CDH26: variants seen among roughly 807,000 people sequenced by gnomAD.
CDH26 encodes cadherin-like protein 26.
A neutral mutation model predicts 90.3 loss-of-function variants in CDH26; 83 were observed. The observed-to-expected ratio is 0.92, with a 90% CI of 0.77 to 1.10. The LOEUF (loss-of-function observed/expected upper bound fraction) is 1.10, where lower values mean the gene tolerates loss of function less well. Ranked by LOEUF, CDH26 falls within the 50% of genes least tolerant of loss-of-function variation. The pLI, the probability that CDH26 is intolerant of heterozygous loss-of-function variation, is 0.00. For synonymous variants in CDH26, 397 were observed against 396.3 expected (o/e 1.00, Z -0.02); for missense variants, 1,013 against 1,037.6 (o/e 0.98, Z 0.33).
chr20:59,995,737 C>A, intron 11 of CDH26, 96 bp from the exon 12 acceptor site: 2 of 1,126,216 alleles, frequency 1.8e-6, no homozygotes, highest in Admixed American at 1.9e-5. Flanking sequence ...TACTTTCATA[C>A]AGAGCTTGGC....
At chr20:60,027,853 C>T (rs778946442) in intron 7 of CDH26, among the ~76,000 whole-genome samples, 3 of 152,012 alleles carry the variant, frequency 2.0e-5, no homozygotes, top group South Asian at 2.1e-4. Flanking sequence ...TGTGGGTGAC[C>T]TGCTACCTTT....
chr20:59,968,580 CAAAAG>C (rs2061209144), intron 1 of CDH26, among the ~76,000 whole-genome samples: 1 of 151,746 alleles, frequency 6.6e-6, no homozygotes, highest in Non-Finnish European at 1.5e-5. Context: ...GCAAAAAAAA[CAAAAG>C]AAAAGCCCAC....
chr20:60,015,023 C>T (rs2061893405), downstream of CDH26, among the ~76,000 whole-genome samples: 2 of 152,156 alleles, frequency 1.3e-5, no homozygotes, highest in Admixed American at 1.3e-4. Context: ...CACTTTATTG[C>T]CCAGGCTGGA....
rs766025132 is a variant in CDH26 at position 59,994,435 on chromosome 20, T to C, written c.1612T>C (p.Leu538=). The C allele has an allele frequency of 2.5e-6, 4 of 1,614,120 alleles. No individual in the cohort carries two copies. The highest frequency in any genetic ancestry group is 3.4e-6 in the Non-Finnish European group (4 of 1,180,028). The change falls in exon 11 of 18, where the codon TTG becomes CTG. Residue 538 remains leucine (L), a synonymous_variant. Transcript: ENST00000348616. ...EPFSDPFTFE[L]DNTWGNAEDT... ...GTTCTCTGACCCATTTACATTTGAA[T>C]TGGACAATACCTGGGGAAATGCGGA... is the stretch of plus-strand genomic sequence containing the variant.
chr20:60,007,885 G>A (rs2061774867), intron 17 of CDH26, among the ~76,000 whole-genome samples: 1 of 152,174 alleles, frequency 6.6e-6, no homozygotes, highest in Non-Finnish European at 1.5e-5. Flanking sequence ...CGCTGAAGGG[G>A]TCTATTATGT....
intron 1 of CDH26, among the ~76,000 whole-genome samples, chr20:59,966,987 A>G (rs1207606077): frequency 7.0e-6 from 1 of 143,650 alleles, no homozygotes; most frequent in South Asian, 2.2e-4. Context: ...AATGATAAGT[A>G]AAAAAAAAAA....
chr20:59,971,895 T>G, intron 3 of CDH26, 67 bp from the exon 4 acceptor site: 1 of 1,322,222 alleles, frequency 7.6e-7, no homozygotes, highest in Non-Finnish European at 1.1e-6. Context: ...TTAGCCTTGA[T>G]ACTTGATTAT....
In CDH26 at chr20:59,989,093, A is replaced by G. The variant is rs752014553; in HGVS notation, c.1213A>G (p.Lys405Glu). 1.2e-6 allele frequency: 2 copies of G among 1,614,164 alleles called. No homozygotes were observed. Among genetic ancestry groups the G allele is most frequent in the African/African-American group, 1.3e-5 (1 of 75,034 alleles). The change falls in exon 9 of 18, where the codon AAA becomes GAA. Residue 405 changes from lysine to glutamate, a missense_variant. Physicochemically the swap from Lys to Glu is moderately conservative, Grantham distance 56. Transcript: ENST00000348616. Reference protein sequence around the residue: ...AFHPQSFIVNKEEGARPGTLL... With the variant: ...AFHPQSFIVNEEEGARPGTLL... The stretch of plus-strand genomic sequence containing the variant: ...TCACCCCCAGAGCTTCATTGTCAAT[A>G]AAGAGGAGGGCGCCAGGCCTGGGAC...
chr20:59,959,882 C>T (rs2061045347), intron 1 of CDH26, among the ~76,000 whole-genome samples: 1 of 152,216 alleles, frequency 6.6e-6, no homozygotes, highest in Non-Finnish European at 1.5e-5. Flanking sequence ...CATGGGCTTG[C>T]TCTGTTTGTA....
intron 14 of CDH26, among the ~76,000 whole-genome samples, 190 bp from the exon 15 acceptor site, chr20:60,001,153 T>C (rs2061671733): frequency 6.6e-6 from 1 of 152,206 alleles, no homozygotes; most frequent in Admixed American, 6.5e-5. Flanking sequence ...CCTGCCCTTT[T>C]ATCCCTGCAT....
At chr20:59,967,884 C>CTCT (rs1569024350) in intron 1 of CDH26, among the ~76,000 whole-genome samples, 48 of 103,044 alleles carry the variant, frequency 4.7e-4, no homozygotes, top group African/African-American at 2.6e-3. Context: ...TTTCTTCCTT[C>CTCT]CTTCCTTCCT....
intron 8 of CDH26, chr20:60,033,417 G>A (rs2062059114): frequency 3.2e-6 from 4 of 1,268,268 alleles, no homozygotes; most frequent in Non-Finnish European, 4.1e-6. Context: ...CTTAGTGAAT[G>A]CTAAGCCTGT....
intron 7 of CDH26, among the ~76,000 whole-genome samples, chr20:60,021,849 TACACACACACACACACAC>T (rs757813328): frequency 4.7e-5 from 2 of 42,626 alleles, no homozygotes; most frequent in African/African-American, 6.5e-5. Context: ...TCCTTATCTG[TACACACACACACACACAC>T]ACACACACAC....
At chr20:59,967,901 C>CT (rs1569024439) in intron 1 of CDH26, among the ~76,000 whole-genome samples, 1,313 of 117,748 alleles carry the variant, frequency 0.011, 22 homozygotes, top group Non-Finnish European at 0.017. Flanking sequence ...TCCTTCCTTC[C>CT]TTCCTTCCTT....
Position 59,987,559 on chromosome 20 carries a change from T to C in CDH26, c.944T>C (p.Ile315Thr), listed in dbSNP as rs773593525. 1.5e-5 allele frequency: 24 copies of C among 1,613,948 alleles called. No homozygotes were observed. In the South Asian group the frequency reaches 2.1e-4, roughly 14 times the overall value. Residue 315 changes from isoleucine (I) to threonine (T), a missense_variant, in exon 8 of 18, where the codon ATA becomes ACA. By Grantham distance (89) the Ile-to-Thr change is moderately conservative (BLOSUM62 -1). Transcript: ENST00000348616. ...TCAGCTTGGAGAGCAAAATTCAACA[T>C]ATTGCATGGCAATGAAGAGGGGCAT... Reference protein sequence around the residue: ...FTSAWRAKFNILHGNEEGHFD... With the variant: ...FTSAWRAKFNTLHGNEEGHFD...
Position 59,989,115 on chromosome 20 carries a change from G to A in CDH26, c.1235G>A (p.Gly412Glu), listed in dbSNP as rs2145990543. Residue 412 changes from glycine to glutamate, a missense_variant, in exon 9 of 18, where the codon GGG becomes GAG. Gly to Glu is a moderately conservative substitution (Grantham distance 98). Transcript: ENST00000348616. ...IVNKEEGARPGTLLGTFNAMD... is the reference protein window; with the variant it reads ...IVNKEEGARPETLLGTFNAMD... ...AATAAAGAGGAGGGCGCCAGGCCTG[G>A]GACCCTGTTGGGAACTTTTAATGCC... is the stretch of plus-strand genomic sequence containing the variant. 1 of 1,614,206 alleles carries A rather than the reference G, an allele frequency of 6.2e-7. No homozygotes were observed. The highest frequency in any genetic ancestry group is 2.2e-5 in the East Asian group (1 of 44,876).
chr20:59,987,791 G>A (rs189639518), intron 8 of CDH26, among the ~76,000 whole-genome samples, 153 bp downstream of exon 8: 1 of 152,128 alleles, frequency 6.6e-6, no homozygotes, highest in Admixed American at 6.5e-5. Context: ...GGAAGGCAGG[G>A]TCTCAGTGCC....
At chr20:59,997,952 T>C (rs2061621116) in intron 13 of CDH26, among the ~76,000 whole-genome samples, 1 of 152,254 alleles carries the variant, frequency 6.6e-6, no homozygotes, top group Non-Finnish European at 1.5e-5. Flanking sequence ...CCACTTAGGC[T>C]CCTCTGGCAG....
At chr20:60,022,656 T>G (rs1016936746) in intron 7 of CDH26, among the ~76,000 whole-genome samples, 2 of 152,224 alleles carry the variant, frequency 1.3e-5, no homozygotes, top group African/African-American at 4.8e-5. Flanking sequence ...AGGGCGTTTC[T>G]AAGATGGTTT....
Sources: gnomAD v4.1 joint callset for allele counts (sites outside exome capture counted in the v4.1 genomes callset) on GRCh38, gnomAD v4.1.1 for gene constraint, MANE v1.5 for transcripts, NCBI Gene and HGNC (gene_info 2026-07-23, HGNC 2026-07-21) for gene names.